Variants in EPS15 observed in about 807,000 individuals in gnomAD.
The protein encoded by EPS15 is epidermal growth factor receptor substrate 15.
A neutral mutation model predicts 113.8 loss-of-function variants in EPS15; 72 were observed. That is an observed-to-expected ratio of 0.63 (90% CI 0.52 to 0.77). The LOEUF (loss-of-function observed/expected upper bound fraction) is 0.77, where lower values mean the gene tolerates loss of function less well. Among genes scored for constraint, EPS15 ranks in the 30% least tolerant of loss-of-function variants. The pLI is 0.00. For missense variants in EPS15, 1,048 were observed against 1,045.8 expected (o/e 1.00, Z -0.03); for synonymous variants, 344 against 363.4 (o/e 0.95, Z 0.61).
intron 16 of EPS15, among the ~76,000 whole-genome samples, chr1:51,405,527 T>C (rs1350643985): frequency 6.6e-6 from 1 of 152,028 alleles, no homozygotes; most frequent in African/African-American, 2.4e-5. Flanking sequence ...TGAAACCCCA[T>C]CTCTACTAAA....
chr1:51,446,771 T>C (rs572415987), intron 10 of EPS15, among the ~76,000 whole-genome samples, 189 bp downstream of exon 10: 4 of 152,312 alleles, frequency 2.6e-5, no homozygotes, highest in African/African-American at 9.6e-5. Context: ...GTCAATCTTA[T>C]AAAGCTTCAG....
intron 8 of EPS15, chr1:51,457,431 G>A (rs901569287): frequency 4.0e-5 from 6 of 151,548 alleles, no homozygotes; most frequent in African/African-American, 1.5e-4. Flanking sequence ...ACAGGAAAAG[G>A]GGCACAAGGT....
At chr1:51,466,629 A>AAAAT (rs1557497125) in intron 5 of EPS15, among the ~76,000 whole-genome samples, 1 of 151,862 alleles carries the variant, frequency 6.6e-6, no homozygotes, top group African/African-American at 2.4e-5. Context: ...CTCTCAAAAA[A>AAAAT]AAATAAATAA....
At chr1:51,409,022 G>A (rs548954754) in intron 14 of EPS15, among the ~76,000 whole-genome samples, 19 of 152,146 alleles carry the variant, frequency 1.2e-4, no homozygotes, top group Admixed American at 3.9e-4. Flanking sequence ...TCCTGACTTC[G>A]TGATCCGCCT....
intron 1 of EPS15, among the ~76,000 whole-genome samples, chr1:51,505,565 G>A (rs1282428881): frequency 6.6e-6 from 1 of 152,180 alleles, no homozygotes; most frequent in Non-Finnish European, 1.5e-5. Context: ...GTTTCTTTCT[G>A]AGGTGATAAA....
At chr1:51,358,120 G>A (rs1043942921) in intron 24 of EPS15, among the ~76,000 whole-genome samples, 1 of 151,972 alleles carries the variant, frequency 6.6e-6, no homozygotes, top group Non-Finnish European at 1.5e-5. Flanking sequence ...AGTTCATCTT[G>A]GCAACATGGC....
intron 21 of EPS15, among the ~76,000 whole-genome samples, chr1:51,375,753 A>C (rs529078227): frequency 2.1e-4 from 32 of 152,366 alleles, no homozygotes; most frequent in African/African-American, 7.5e-4. Context: ...AAAAGTTTTC[A>C]TGTCAAGTGG....
chr1:51,445,556 G>A (rs1000760728), intron 10 of EPS15, among the ~76,000 whole-genome samples: 1 of 151,950 alleles, frequency 6.6e-6, no homozygotes, highest in Non-Finnish European at 1.5e-5. Context: ...AATCACATGT[G>A]AGGAAAAGGC....
chr1:51,358,436 T>C (rs561480495), intron 24 of EPS15, among the ~76,000 whole-genome samples: 6 of 152,318 alleles, frequency 3.9e-5, no homozygotes, highest in Admixed American at 3.9e-4. Context: ...AAATACTAAA[T>C]TAAAAATTCT....
chr1:51,455,129 A>G (rs1005305517), intron 8 of EPS15, among the ~76,000 whole-genome samples: 1 of 152,212 alleles, frequency 6.6e-6, no homozygotes, highest in Non-Finnish European at 1.5e-5. Context: ...AAAAAGCAGT[A>G]GTTTCAGCCC....
intron 5 of EPS15, among the ~76,000 whole-genome samples, chr1:51,466,800 C>G (rs1654876490): frequency 6.6e-6 from 1 of 151,962 alleles, no homozygotes; most frequent in Non-Finnish European, 1.5e-5. Flanking sequence ...GAGGCTAAGG[C>G]AGAAGTATCA....
intron 1 of EPS15, among the ~76,000 whole-genome samples, chr1:51,503,035 C>T (rs1011224061): frequency 7.4e-5 from 11 of 147,926 alleles, no homozygotes; most frequent in African/African-American, 2.5e-4. Flanking sequence ...ATTCCATTCA[C>T]AATAGCATCA....
intron 12 of EPS15, among the ~76,000 whole-genome samples, chr1:51,426,885 A>G (rs886521739): frequency 6.6e-6 from 1 of 151,640 alleles, no homozygotes; most frequent in Non-Finnish European, 1.5e-5. Context: ...ACATATATAC[A>G]CACACATATA....
intron 18 of EPS15, 115 bp from the exon 19 acceptor site, chr1:51,401,068 C>T (rs769708875): frequency 1.6e-6 from 1 of 614,334 alleles, no homozygotes; most frequent in Non-Finnish European, 2.9e-6. Context: ...AATAACTTCA[C>T]TTCACAGTAG....
At chr1:51,390,759 A>T (rs2148400356) in intron 21 of EPS15, among the ~76,000 whole-genome samples, 2 of 152,296 alleles carry the variant, frequency 1.3e-5, no homozygotes, top group East Asian at 3.9e-4. Flanking sequence ...TCAAAACCAC[A>T]ATGAGATACC....
At chr1:51,486,576 G>A (rs1553135292) in intron 1 of EPS15, among the ~76,000 whole-genome samples, 1 of 152,126 alleles carries the variant, frequency 6.6e-6, no homozygotes, top group South Asian at 2.1e-4. Flanking sequence ...GGGAGATCCT[G>A]TCTCTATAAA....
chr1:51,462,892 TTTTC>T (rs1654575306), intron 7 of EPS15, among the ~76,000 whole-genome samples: 3 of 147,074 alleles, frequency 2.0e-5, no homozygotes, highest in Non-Finnish European at 4.5e-5. Flanking sequence ...TTTTTTTTTT[TTTTC>T]TAAGACAGTC....
chr1:51,404,164 G>A (rs1321104097), intron 16 of EPS15, among the ~76,000 whole-genome samples: 1 of 152,222 alleles, frequency 6.6e-6, no homozygotes, highest in East Asian at 1.9e-4. Context: ...GGCTAACACG[G>A]TGAAACCCCG....
chr1:51,367,599 A>G (rs1326531970), intron 21 of EPS15, among the ~76,000 whole-genome samples: 1 of 152,084 alleles, frequency 6.6e-6, no homozygotes, highest in Non-Finnish European at 1.5e-5. Context: ...CACAGGCCTG[A>G]GAAGTTGTTT....
Sources: allele counts gnomAD v4.1 joint callset (sites outside exome capture counted in the v4.1 genomes callset), GRCh38; gene constraint gnomAD v4.1.1; transcripts MANE v1.5; gene names NCBI Gene and HGNC (gene_info 2026-07-23, HGNC 2026-07-21).